The following TENM2 variants were observed in gnomAD, a reference collection of about 807,000 sequenced individuals.
TENM2 encodes teneurin transmembrane protein 2.
A neutral mutation model predicts 245.2 loss-of-function variants in TENM2; 52 were observed. The observed-to-expected ratio is 0.21, with a 90% CI of 0.17 to 0.27. The LOEUF is 0.27. Among genes scored for constraint, TENM2 ranks in the 10% least tolerant of loss-of-function variants. The pLI is 1.00. For synonymous variants in TENM2, 1,363 were observed against 1,438.9 expected, an observed-to-expected ratio of 0.95 and a Z score of 1.19; for missense variants, 3,046 against 3,666.8, an observed-to-expected ratio of 0.83 and a Z score of 4.37.
At chr5:167,562,536 C>T (rs1270118488) in intron 2 of TENM2, among the ~76,000 whole-genome samples, 2 of 152,188 alleles carry the variant, frequency 1.3e-5, no homozygotes, top group Non-Finnish European at 2.9e-5. Flanking sequence ...CACACCTGAA[C>T]TGAGAGCTGG....
chr5:168,259,378 G>T (rs896337031), intron 27 of TENM2, among the ~76,000 whole-genome samples: 1 of 151,884 alleles, frequency 6.6e-6, no homozygotes, highest in Non-Finnish European at 1.5e-5. Context: ...ACCTGAGGTC[G>T]GGAGTTCGAA....
At chr5:167,502,554 T>G (rs1284011193) in intron 2 of TENM2, among the ~76,000 whole-genome samples, 1 of 152,214 alleles carries the variant, frequency 6.6e-6, no homozygotes, top group East Asian at 1.9e-4. Context: ...TGTGTTGAGC[T>G]CCTTCTAACT....
intron 2 of TENM2, among the ~76,000 whole-genome samples, chr5:167,609,277 C>T (rs1777277915): frequency 6.6e-6 from 1 of 151,906 alleles, no homozygotes; most frequent in Admixed American, 6.6e-5. Flanking sequence ...AGTAGAGTCG[C>T]ATTTCTTGCC....
intron 2 of TENM2, among the ~76,000 whole-genome samples, chr5:167,586,510 C>T (rs1775505929): frequency 6.6e-6 from 1 of 152,166 alleles, no homozygotes; most frequent in South Asian, 2.1e-4. Context: ...ATCTTTGGTT[C>T]CCTGAGGATG....
chr5:167,202,626 G>A, the TENM2 span, among the ~76,000 whole-genome samples: 1 of 152,214 alleles, frequency 6.6e-6, no homozygotes, highest in South Asian at 2.1e-4. Context: ...CTCTTGATAG[G>A]TGTCTTCCAG....
intron 2 of TENM2, among the ~76,000 whole-genome samples, chr5:167,505,065 G>A (rs1006697751): frequency 7.9e-5 from 12 of 152,228 alleles, no homozygotes; most frequent in African/African-American, 9.6e-5. Flanking sequence ...GAGGCTTTGC[G>A]TTTATTGGCG....
chr5:167,248,509 C>T, the TENM2 span, among the ~76,000 whole-genome samples: 1 of 152,048 alleles, frequency 6.6e-6, no homozygotes, highest in Non-Finnish European at 1.5e-5. Context: ...AGGTGGTGTC[C>T]GTGCTGCCGA....
chr5:167,196,888 T>G, the TENM2 span, among the ~76,000 whole-genome samples: 4 of 151,000 alleles, frequency 2.6e-5, no homozygotes, highest in Non-Finnish European at 5.9e-5. Context: ...TTTGGAGGGG[T>G]GGGGGCATTT....
chr5:167,502,669 C>G (rs538302817), intron 2 of TENM2, among the ~76,000 whole-genome samples: 27 of 152,226 alleles, frequency 1.8e-4, no homozygotes, highest in African/African-American at 6.0e-4. Flanking sequence ...CTAAGAATAT[C>G]AGGTTAGAAA....
chr5:167,436,496 G>A (rs916522080), intron 2 of TENM2, among the ~76,000 whole-genome samples: 53 of 152,292 alleles, frequency 3.5e-4, no homozygotes, highest in African/African-American at 1.2e-3. Flanking sequence ...CTAATAATGC[G>A]ATAGAAAAGA....
chr5:167,353,506 T>TG (rs1759084344), intron 1 of TENM2, among the ~76,000 whole-genome samples: 1 of 102,560 alleles, frequency 9.8e-6, no homozygotes, highest in Non-Finnish European at 1.8e-5. Context: ...TGTTGTTTTT[T>TG]TTTTTTTTTT....
At chr5:168,108,941 C>T (rs1274840569) in intron 9 of TENM2, among the ~76,000 whole-genome samples, 1 of 152,194 alleles carries the variant, frequency 6.6e-6, no homozygotes, top group Admixed American at 6.5e-5. Flanking sequence ...CTCAGAGCTT[C>T]CTTCTCTCTC....
chr5:168,121,455 C>G (rs1298085716), intron 10 of TENM2, among the ~76,000 whole-genome samples: 1 of 152,184 alleles, frequency 6.6e-6, no homozygotes, highest in Non-Finnish European at 1.5e-5. Context: ...CCATCCACTG[C>G]TGTAATTATA....
chr5:168,256,743 T>TG lies in TENM2; in HGVS notation c.7433-3538dup, dbSNP rs1767706717. On this transcript the variant is annotated intron_variant, in intron 27 of 28. Transcript: ENST00000518659. ...CCCGGCCTCAAACCTGTTTCTTAAA[T>TG]GGACTATTGTTATGTGTGTAGATGC... 2.0e-5 allele frequency among the ~76,000 whole-genome samples: 3 copies of TG among 152,224 alleles called. 1 individual carries two copies. In the South Asian group the frequency reaches 6.2e-4, roughly 32 times the overall value.
intron 2 of TENM2, among the ~76,000 whole-genome samples, chr5:167,859,496 G>T (rs1362252540): frequency 9.0e-5 from 10 of 111,210 alleles, no homozygotes; most frequent in African/African-American, 3.8e-4. Flanking sequence ...CACCCCGTCC[G>T]GGAGGGAGAT....
At chr5:167,926,718 CCACACACACACACACACACACACA>C (rs750351497) in intron 3 of TENM2, among the ~76,000 whole-genome samples, 1 of 136,716 alleles carries the variant, frequency 7.3e-6, no homozygotes, top group African/African-American at 2.7e-5. Context: ...TGAGATTCCA[CCACACACACACACACACACACACA>C]CACACACACA....
At chr5:167,887,817 T>C (rs1035376631) in intron 3 of TENM2, among the ~76,000 whole-genome samples, 31 of 152,170 alleles carry the variant, frequency 2.0e-4, no homozygotes, top group African/African-American at 7.5e-4. Context: ...TATTATTCTG[T>C]CACAGTTCTA....
At chr5:168,007,154 TC>T (rs1457669835) in intron 5 of TENM2, among the ~76,000 whole-genome samples, 3 of 151,560 alleles carry the variant, frequency 2.0e-5, no homozygotes, top group African/African-American at 7.3e-5. Context: ...TGAGACGTAG[TC>T]TCACTCTGTC....
chr5:167,759,775 G>A (rs1254695781), intron 2 of TENM2, among the ~76,000 whole-genome samples: 2 of 152,128 alleles, frequency 1.3e-5, no homozygotes, highest in Non-Finnish European at 1.5e-5. Flanking sequence ...CTATTGTTGA[G>A]AGATACAGCC....
Sources: allele counts gnomAD v4.1 joint callset (sites outside exome capture counted in the v4.1 genomes callset), GRCh38; gene constraint gnomAD v4.1.1; transcripts MANE v1.5; gene names NCBI Gene and HGNC (gene_info 2026-07-23, HGNC 2026-07-21).